The following GREB1L variants were observed in gnomAD, a reference collection of about 807,000 sequenced individuals.
GREB1L encodes the protein GREB1 like retinoic acid receptor coactivator, also known as GREB1-like protein.
In GREB1L, 17 loss-of-function variants were observed where a neutral mutation model predicts 200.8. The ratio of observed to expected loss-of-function variants is 0.08; its 90% CI spans 0.06 to 0.13. The LOEUF (loss-of-function observed/expected upper bound fraction) is 0.13. Ranked by LOEUF, GREB1L falls within the 10% of genes least tolerant of loss-of-function variation. The probability of loss-of-function intolerance (pLI) is 1.00; values close to 1 mark genes in which losing one functional copy is unlikely to be tolerated. For synonymous variants in GREB1L, 789 were observed against 893.0 expected (o/e 0.88, Z 2.08); for missense variants, 1,657 against 2,367.7 (o/e 0.70, Z 6.23).
chr18:21,405,845 G>A (rs1370611007), intron 7 of GREB1L, among the ~76,000 whole-genome samples: 6 of 151,596 alleles, frequency 4.0e-5, no homozygotes, highest in African/African-American at 1.5e-4. Flanking sequence ...CAATAAAACA[G>A]GCCCAGGCAC....
At chr18:21,364,142 A>T (rs1399297933) in intron 1 of GREB1L, among the ~76,000 whole-genome samples, 2 of 152,276 alleles carry the variant, frequency 1.3e-5, no homozygotes, top group Non-Finnish European at 1.5e-5. Flanking sequence ...TTTTGGCCAC[A>T]TAACTAATAT....
chr18:21,464,151 G>T (rs1002700881), intron 15 of GREB1L, among the ~76,000 whole-genome samples: 2 of 152,138 alleles, frequency 1.3e-5, no homozygotes, highest in African/African-American at 2.4e-5. Flanking sequence ...CAGGAAAAAT[G>T]ATGGAATTAG....
At position 21,372,151 on chromosome 18, in the gene GREB1L, T is replaced by TC. The variant is rs1491111574; in HGVS notation, c.-10+6015_-10+6016insC. On this transcript the variant is annotated intron_variant, in intron 2 of 32. Coordinates refer to ENST00000424526, the MANE Select transcript of GREB1L (RefSeq NM_001142966.3). The stretch of plus-strand genomic sequence containing the variant: ...ACGAAGTTATACAAATTTGTCTCTC[T>TC]TTTTTTTTTTTTTTTGAGACAGAGT... Among the ~76,000 whole-genome samples the TC allele has an allele frequency of 2.0e-4, 26 of 129,530 alleles. No individual in the cohort carries two copies. The East Asian group carries it at 2.9e-3, about 15-fold the overall frequency. The allele number at this position is 129,530 out of a possible 152,430, so 85.0% of individuals were successfully genotyped here. A position where few individuals can be genotyped will look rare whatever the true frequency, so the allele number is the denominator to read the frequency against.
intron 19 of GREB1L, among the ~76,000 whole-genome samples, chr18:21,493,878 A>G (rs1315390116): frequency 2.0e-5 from 3 of 149,084 alleles, no homozygotes; most frequent in African/African-American, 7.3e-5. Flanking sequence ...AAAAAAAAAA[A>G]AAAAAAAAAA....
intron 7 of GREB1L, among the ~76,000 whole-genome samples, chr18:21,418,292 C>T (rs2031834535): frequency 6.6e-6 from 1 of 152,010 alleles, no homozygotes; most frequent in South Asian, 2.1e-4. Context: ...TTCCAGAACC[C>T]CTGCTGATAC....
At chr18:21,301,949 T>C (rs559957995) in intron 1 of GREB1L, among the ~76,000 whole-genome samples, 1 of 152,244 alleles carries the variant, frequency 6.6e-6, no homozygotes, top group East Asian at 1.9e-4. Context: ...GGAGGAAGAA[T>C]GGACTAAGGG....
At chr18:21,495,015 T>C (rs2036492384) in intron 19 of GREB1L, among the ~76,000 whole-genome samples, 1 of 152,172 alleles carries the variant, frequency 6.6e-6, no homozygotes, top group Non-Finnish European at 1.5e-5. Flanking sequence ...CCAATTACAT[T>C]ACCCCTCCAA....
chr18:21,289,616 T>C (rs2038415200), intron 1 of GREB1L, among the ~76,000 whole-genome samples: 2 of 152,240 alleles, frequency 1.3e-5, no homozygotes, highest in Non-Finnish European at 2.9e-5. Flanking sequence ...ATTATCATTT[T>C]ACTGATACTG....
chr18:21,395,739 T>C (rs2041029034), intron 5 of GREB1L, among the ~76,000 whole-genome samples, 178 bp downstream of exon 5: 1 of 151,990 alleles, frequency 6.6e-6, no homozygotes, highest in Non-Finnish European at 1.5e-5. Flanking sequence ...TTTCTTTTTT[T>C]CTTTTTTTGA....
At chr18:21,468,819 C>G (rs1008411505) in intron 15 of GREB1L, 1 of 456,022 alleles carries the variant, frequency 2.2e-6, no homozygotes, top group African/African-American at 2.0e-5. Context: ...CTTTTCATGA[C>G]CTTAAGTGAA....
intron 15 of GREB1L, among the ~76,000 whole-genome samples, chr18:21,462,886 A>G (rs1230591661): frequency 2.0e-5 from 3 of 152,212 alleles, no homozygotes; most frequent in African/African-American, 4.8e-5. Context: ...TAATACAAAC[A>G]AATGGAGGAA....
chr18:21,329,896 G>A (rs1012090791), intron 1 of GREB1L, among the ~76,000 whole-genome samples: 2 of 148,042 alleles, frequency 1.4e-5, no homozygotes, highest in Non-Finnish European at 3.0e-5. Flanking sequence ...CAGATTCTCT[G>A]TATTCAAATT....
intron 1 of GREB1L, among the ~76,000 whole-genome samples, chr18:21,343,844 C>T (rs2043220456): frequency 6.6e-6 from 1 of 151,384 alleles, no homozygotes; most frequent in African/African-American, 2.4e-5. Context: ...CAAGTGATTC[C>T]CCCACCTCAG....
chr18:21,402,582 G>T (rs536820327), intron 6 of GREB1L, among the ~76,000 whole-genome samples: 1 of 149,566 alleles, frequency 6.7e-6, no homozygotes, highest in Non-Finnish European at 1.5e-5. Flanking sequence ...GCCCAGGCTG[G>T]ACTGCAGTGG....
At chr18:21,422,967 G>A (rs778645621) in intron 7 of GREB1L, among the ~76,000 whole-genome samples, 4 of 152,022 alleles carry the variant, frequency 2.6e-5, no homozygotes, top group Non-Finnish European at 4.4e-5. Context: ...GTCTTGCTCT[G>A]TTGCCTAAGC....
intron 1 of GREB1L, among the ~76,000 whole-genome samples, chr18:21,327,921 G>A (rs1350765823): frequency 3.3e-5 from 5 of 151,896 alleles, no homozygotes; most frequent in Non-Finnish European, 5.9e-5. Flanking sequence ...TCACCATGTT[G>A]GCCAGAATGG....
In GREB1L at chr18:21,517,758, C is replaced by T. The variant is rs115212314; in HGVS notation, c.5272-276C>T. ...ACCCACACACACTGTAAAAGGCTTC[C>T]GATTGGATCTCACAGTGTACCTGTT... On this transcript the variant is annotated intron_variant, in intron 30 of 32. Coordinates refer to ENST00000424526, the MANE Select transcript of GREB1L (RefSeq NM_001142966.3). Among the ~76,000 whole-genome samples, 1,229 of 152,170 alleles carry T rather than the reference C, an allele frequency of 8.1e-3. 13 individuals are homozygous for T. The highest frequency in any genetic ancestry group is 0.028 in the African/African-American group (1,168 of 41,514).
intron 7 of GREB1L, among the ~76,000 whole-genome samples, chr18:21,425,162 C>A (rs1000074673): frequency 1.3e-5 from 2 of 152,002 alleles, no homozygotes; most frequent in African/African-American, 4.8e-5. Context: ...GATACAAGTT[C>A]TTTATCAGAT....
At chr18:21,397,385 C>T (rs541407384) in intron 5 of GREB1L, among the ~76,000 whole-genome samples, 22 of 151,928 alleles carry the variant, frequency 1.4e-4, no homozygotes, top group Admixed American at 2.6e-4. Flanking sequence ...ATTAGCCGGG[C>T]GTGGTGGTGG....
Sources: allele counts gnomAD v4.1 joint callset (sites outside exome capture counted in the v4.1 genomes callset), GRCh38; gene constraint gnomAD v4.1.1; transcripts MANE v1.5; gene names NCBI Gene and HGNC (gene_info 2026-07-23, HGNC 2026-07-21).